GSTM2: variants seen among roughly 807,000 people sequenced by gnomAD.
The protein encoded by GSTM2 is glutathione S-transferase mu 2.
Under a neutral mutation model 33.3 loss-of-function variants are expected in GSTM2, and 33 were observed. That is an observed-to-expected ratio of 0.99 (90% CI 0.75 to 1.33). GSTM2 has a LOEUF of 1.33. Among genes scored for constraint, GSTM2 ranks in the 40% most tolerant of loss-of-function variants. GSTM2 has a pLI of 0.00. For missense variants in GSTM2, 213 were observed against 265.8 expected (o/e 0.80, Z 1.38); for synonymous variants, 93 against 95.6 (o/e 0.97, Z 0.16).
rs374422256 is a variant in GSTM2, at chr1:109,674,353, A to C, written c.568-394A>C. ...AGAGAGACAGAACCAGGCTACATTG[A>C]AGTTCTATTCCCCTTACTAGGTATT... On this transcript the variant is annotated intron_variant, in intron 7 of 7. Coordinates refer to ENST00000241337, the MANE Select transcript of GSTM2 (RefSeq NM_000848.4). 4.9e-3 allele frequency among the ~76,000 whole-genome samples: 742 copies of C among 149,904 alleles called. 4 individuals carry two copies. The highest frequency in any genetic ancestry group is 0.017 in the African/African-American group (665 of 39,426).
chr1:109,671,999 G>A (rs565667115), intron 7 of GSTM2, among the ~76,000 whole-genome samples: 4 of 144,908 alleles, frequency 2.8e-5, no homozygotes, highest in African/African-American at 1.0e-4. Context: ...AAAAAAAGGA[G>A]CCGGGCATGG....
chr1:109,682,823 A>G (rs1647885476), intron 7 of GSTM2, among the ~76,000 whole-genome samples: 1 of 121,060 alleles, frequency 8.3e-6, no homozygotes, highest in African/African-American at 2.6e-5. Flanking sequence ...TACCCAAACA[A>G]TATTTAAGAG....
chr1:109,669,890 A>G, intron 5 of GSTM2: 1 of 296,296 alleles, frequency 3.4e-6, no homozygotes, highest in Non-Finnish European at 6.3e-6. Context: ...GGAGTTGTTT[A>G]TTCCTCTTGG....
chr1:109,671,231 C>G (rs979196207), intron 5 of GSTM2, 56 bp from the exon 6 acceptor site: 1 of 1,283,018 alleles, frequency 7.8e-7, no homozygotes, highest in African/African-American at 1.5e-5. Flanking sequence ...ACTGGGAGGC[C>G]GCATCTGTGC....
chr1:109,668,173 G>T (rs116803059), intron 1 of GSTM2, 22 bp downstream of exon 1: 57 of 1,602,044 alleles, frequency 3.6e-5, no homozygotes, highest in Non-Finnish European at 4.9e-5. Context: ...TCCGCTGGGC[G>T]GTGGGACGGG....
chr1:109,677,877 T>A (rs1647743330), downstream of GSTM2, among the ~76,000 whole-genome samples: 2 of 152,230 alleles, frequency 1.3e-5, no homozygotes, highest in Non-Finnish European at 2.9e-5. Context: ...TGTGTGCTTG[T>A]GTTTGCTTTC....
chr1:109,669,776 G>A, intron 5 of GSTM2: 1 of 561,812 alleles, frequency 1.8e-6, no homozygotes, highest in Non-Finnish European at 3.2e-6. Context: ...GTTCAGATGT[G>A]TCCGCAGTTT....
At chr1:109,675,607 T>G (rs1647684314), downstream of GSTM2, among the ~76,000 whole-genome samples, 1 of 152,148 alleles carries the variant, frequency 6.6e-6, no homozygotes, top group Non-Finnish European at 1.5e-5. Flanking sequence ...GGGTGGAATC[T>G]CCATCAGAGA....
At chr1:109,677,339 G>A (rs1051787235), downstream of GSTM2, among the ~76,000 whole-genome samples, 3 of 152,168 alleles carry the variant, frequency 2.0e-5, no homozygotes, top group Non-Finnish European at 2.9e-5. Context: ...CAAGAACCAG[G>A]TGTAGTGATG....
intron 2 of GSTM2, 75 bp from the exon 3 acceptor site, chr1:109,668,850 C>T (rs1647425637): frequency 3.9e-6 from 6 of 1,557,538 alleles, no homozygotes; most frequent in Middle Eastern, 2.3e-4. Context: ...TTGCCACTGG[C>T]TCCTTGGGAG....
At chr1:109,677,526 G>A (rs1443592785), downstream of GSTM2, among the ~76,000 whole-genome samples, 6 of 152,148 alleles carry the variant, frequency 3.9e-5, no homozygotes, top group Non-Finnish European at 8.8e-5. Context: ...CCTCACAGAC[G>A]TATTGAGTAA....
downstream of GSTM2, among the ~76,000 whole-genome samples, chr1:109,676,581 G>C (rs948553931): frequency 2.6e-5 from 4 of 152,096 alleles, no homozygotes; most frequent in Non-Finnish European, 2.9e-5. Context: ...TCGAACTCCT[G>C]ACCTCGTGAT....
rs780886757 is a variant in GSTM2 at position 109,669,350 on chromosome 1, A to G, written c.238A>G (p.Ile80Val). Residue 80 changes from isoleucine (I) to valine (V), a missense_variant, in exon 4 of 8, where the codon ATT becomes GTT. Physicochemically the swap from Ile to Val is conservative, Grantham distance 29 (BLOSUM62 3). Coordinates refer to ENST00000241337, the MANE Select transcript of GSTM2 (RefSeq NM_000848.4). The part of the protein sequence containing the change: ...ITQSNAILRY[I>V]ARKHNLCGES... ...CCAGAGCAACGCCATCCTGCGGTAC[A>G]TTGCCCGCAAGCACAACCTGTGTGA... 4 of 1,614,114 alleles carry G rather than the reference A, an allele frequency of 2.5e-6. No individual in the cohort carries two copies. The East Asian group carries it at 6.7e-5, about 27-fold the overall frequency.
Position 109,669,286 on chromosome 1 carries a change from C to T in GSTM2, c.178-4C>T, listed in dbSNP as rs773995935. 3 of 1,614,092 alleles carry T rather than the reference C, an allele frequency of 1.9e-6. No homozygotes were observed. Among genetic ancestry groups the T allele is most frequent in the South Asian group, 1.1e-5 (1 of 91,074 alleles). ...TGAGCTTCCCCGGTTTCCCATCTAT[C>T]CAGCTGCCCTACTTGATTGATGGGA... On this transcript the variant is annotated splice_region_variant and splice_polypyrimidine_tract_variant and intron_variant, in intron 3 of 7. Coordinates refer to ENST00000241337, the MANE Select transcript of GSTM2 (RefSeq NM_000848.4).
chr1:109,668,312 TG>T, intron 1 of GSTM2, 112 bp from the exon 2 acceptor site: 1 of 1,248,490 alleles, frequency 8.0e-7, no homozygotes, highest in Non-Finnish European at 1.1e-6. Context: ...GCGTGCGGGG[TG>T]GGGGCGGGTG....
chr1:109,671,229 G>T, intron 5 of GSTM2, 58 bp from the exon 6 acceptor site: 1 of 1,258,114 alleles, frequency 7.9e-7, no homozygotes, highest in Non-Finnish European at 1.2e-6. Context: ...AAACTGGGAG[G>T]CCGCATCTGT....
intron 2 of GSTM2, 144 bp from the exon 3 acceptor site, chr1:109,668,781 C>T (rs1647423638): frequency 9.6e-7 from 1 of 1,044,480 alleles, no homozygotes; most frequent in Non-Finnish European, 1.5e-6. Context: ...TTCTTTTTCT[C>T]TGAATCCTGG....
chr1:109,674,766 C>T lies in GSTM2; in HGVS notation c.587C>T (p.Ala196Val). ...TCTCAGGGCTTGGAGAAGATCTCTGCCTACATGAAGTCCAGCCGCTTCCTC... is the reference window on the plus strand; with the variant it reads ...TCTCAGGGCTTGGAGAAGATCTCTGTCTACATGAAGTCCAGCCGCTTCCTC... Reference protein sequence around the residue: ...SRFEGLEKISAYMKSSRFLPR... With the variant: ...SRFEGLEKISVYMKSSRFLPR... Residue 196 changes from alanine to valine, a missense_variant, in exon 8 of 8, where the codon GCC becomes GTC. Physicochemically the swap from Ala to Val is moderately conservative, Grantham distance 64. Transcript: ENST00000241337. 1 of 1,614,196 alleles carries T rather than the reference C, an allele frequency of 6.2e-7. No homozygotes were observed.
chr1:109,668,232 G>A (rs1018652054), intron 1 of GSTM2, 81 bp downstream of exon 1: 6 of 1,458,706 alleles, frequency 4.1e-6, no homozygotes, highest in African/African-American at 1.4e-5. Context: ...CGGGCTCTAG[G>A]GACGGTTCCT....
Sources: gnomAD v4.1 joint callset for allele counts (sites outside exome capture counted in the v4.1 genomes callset) on GRCh38, gnomAD v4.1.1 for gene constraint, MANE v1.5 for transcripts, NCBI Gene and HGNC (gene_info 2026-07-23, HGNC 2026-07-21) for gene names.